Variants in SRGAP1 observed in about 807,000 individuals in gnomAD.
SRGAP1 encodes SLIT-ROBO Rho GTPase activating protein 1, also known as SLIT-ROBO Rho GTPase-activating protein 1.
SRGAP1 carries 43 observed loss-of-function variants against 121.9 expected under a neutral mutation model. The ratio of observed to expected loss-of-function variants is 0.35; its 90% CI spans 0.28 to 0.46. SRGAP1 has a LOEUF of 0.46. SRGAP1 is among the 20% of genes least tolerant of loss of function. The probability of loss-of-function intolerance (pLI) is 1.00; values close to 1 mark genes in which losing one functional copy is unlikely to be tolerated. For synonymous variants in SRGAP1, 447 were observed against 485.4 expected (o/e 0.92, Z 1.04); for missense variants, 1,102 against 1,350.9 (o/e 0.82, Z 2.89).
intron 4 of SRGAP1, among the ~76,000 whole-genome samples, chr12:64,031,554 A>C (rs2034780905): frequency 6.6e-6 from 1 of 152,160 alleles, no homozygotes; most frequent in Non-Finnish European, 1.5e-5. Context: ...CAGTCTCTGC[A>C]TGGGAGACTG....
Position 64,126,109 on chromosome 12 carries a change from A to G in SRGAP1, c.2357A>G (p.Asn786Ser). ...ASEDWWEGRHNGIDGLVPHQY... is the reference protein window; with the variant it reads ...ASEDWWEGRHSGIDGLVPHQY... ...GAGGACTGGTGGGAAGGCAGGCACA[A>G]CGGGATTGACGGGCTGGTGCCTCAC... Residue 786 changes from asparagine (N) to serine (S), a missense_variant, in exon 19 of 22, where the codon AAC becomes AGC. Transcript: ENST00000355086. 1 of 1,614,198 alleles carries G rather than the reference A, an allele frequency of 6.2e-7. No homozygotes were observed. Among genetic ancestry groups the G allele is most frequent in the Non-Finnish European group, 8.5e-7 (1 of 1,180,014 alleles).
At chr12:64,116,268 A>G (rs2036521474) in intron 18 of SRGAP1, among the ~76,000 whole-genome samples, 1 of 151,396 alleles carries the variant, frequency 6.6e-6, no homozygotes. Context: ...AAAAAAAAAA[A>G]AAAAAAAAGT....
intron 14 of SRGAP1, among the ~76,000 whole-genome samples, 196 bp from the exon 15 acceptor site, chr12:64,097,045 T>G (rs1486644962): frequency 6.6e-6 from 1 of 152,206 alleles, no homozygotes; most frequent in Non-Finnish European, 1.5e-5. Flanking sequence ...AAGCTTTATT[T>G]TAGTCAACTG....
In SRGAP1 at chr12:64,126,176, G is replaced by A. The variant is rs1379429198; in HGVS notation, c.2405+19G>A. 1 of 1,604,464 alleles carries A rather than the reference G, an allele frequency of 6.2e-7. No homozygotes were observed. The highest frequency in any genetic ancestry group is 1.7e-5 in the Admixed American group (1 of 59,776). ...AGGATATGTGAGTAGTCTCAACTTT[G>A]ATTGCCTGAGTGCTCCCAATAGAGG... On this transcript the variant is annotated intron_variant, in intron 19 of 21. Coordinates refer to ENST00000355086, the MANE Select transcript of SRGAP1 (RefSeq NM_020762.4).
rs138318903 is a variant in SRGAP1 at position 63,898,956 on chromosome 12, G to GT, written c.67+54076dup. Among the ~76,000 whole-genome samples, 1,510 of 152,252 alleles carry GT rather than the reference G, an allele frequency of 9.9e-3. 32 individuals are homozygous for GT. Among genetic ancestry groups the GT allele is most frequent in the African/African-American group, 0.034 (1,420 of 41,542 alleles). On this transcript the variant is annotated intron_variant, in intron 1 of 21. Coordinates refer to ENST00000355086, the MANE Select transcript of SRGAP1 (RefSeq NM_020762.4). ...CCTCTTTGATCACGTCATTGGTTAA[G>GT]TTTCACTATTGTTTTTGCCAGCTTA...
intron 10 of SRGAP1, among the ~76,000 whole-genome samples, chr12:64,082,371 A>T (rs2035863130): frequency 6.6e-6 from 1 of 152,042 alleles, no homozygotes; most frequent in African/African-American, 2.4e-5. Flanking sequence ...CAATTTATTG[A>T]GTCCACATGC....
intron 6 of SRGAP1, among the ~76,000 whole-genome samples, chr12:64,048,944 C>T (rs1348190887): frequency 6.6e-6 from 1 of 152,124 alleles, no homozygotes; most frequent in Admixed American, 6.6e-5. Context: ...TTCTCCCATT[C>T]TGTGGATTCT....
intron 1 of SRGAP1, among the ~76,000 whole-genome samples, chr12:63,866,188 AGAGGATCAGCTTC>A (rs1899624298): frequency 6.6e-6 from 1 of 152,194 alleles, no homozygotes; most frequent in South Asian, 2.1e-4. Context: ...TGTAGTTGTA[AGAGGATCAGCTTC>A]GATGATTGCT....
intron 4 of SRGAP1, among the ~76,000 whole-genome samples, chr12:64,040,242 G>C (rs2034987114): frequency 6.6e-6 from 1 of 152,116 alleles, no homozygotes. Context: ...TTGTTCCAGT[G>C]ATGCTTCCAG....
intron 1 of SRGAP1, among the ~76,000 whole-genome samples, chr12:63,902,898 T>C (rs1032045788): frequency 6.6e-6 from 1 of 152,206 alleles, no homozygotes; most frequent in African/African-American, 2.4e-5. Flanking sequence ...TTCCATCATA[T>C]CTTTTGTTTT....
At chr12:63,971,464 T>C (rs77235884) in intron 1 of SRGAP1, among the ~76,000 whole-genome samples, 1,628 of 152,328 alleles carry the variant, frequency 0.011, 34 homozygotes, top group African/African-American at 0.037. Flanking sequence ...TAGACATTGT[T>C]TAATGAACAT....
chr12:63,899,292 G>A (rs576085089), intron 1 of SRGAP1, among the ~76,000 whole-genome samples: 5 of 151,946 alleles, frequency 3.3e-5, no homozygotes, highest in Non-Finnish European at 7.4e-5. Context: ...AGAGGTAGGA[G>A]TGCCATTGTA....
At chr12:63,910,002 A>G (rs1208319054) in intron 1 of SRGAP1, among the ~76,000 whole-genome samples, 1 of 152,254 alleles carries the variant, frequency 6.6e-6, no homozygotes, top group Non-Finnish European at 1.5e-5. Context: ...CAATATCTTC[A>G]TAGCAACATC....
chr12:64,055,588 A>G (rs1228945650), intron 6 of SRGAP1, among the ~76,000 whole-genome samples: 1 of 151,800 alleles, frequency 6.6e-6, no homozygotes, highest in East Asian at 1.9e-4. Flanking sequence ...GCATCACACT[A>G]CCTGACTTCA....
intron 6 of SRGAP1, among the ~76,000 whole-genome samples, chr12:64,057,366 C>T (rs572546467): frequency 6.6e-6 from 1 of 152,242 alleles, no homozygotes; most frequent in South Asian, 2.1e-4. Flanking sequence ...TAAAAGTTGC[C>T]TGTAGAAGTT....
rs368523723 is a variant in SRGAP1, at chr12:64,080,383, A to G, written c.1408+13A>G. The G allele has an allele frequency of 4.1e-5, 65 of 1,598,228 alleles. No individual in the cohort carries two copies. The highest frequency in any genetic ancestry group is 5.4e-5 in the Non-Finnish European group (63 of 1,166,026). ...ACCCTGGGAGAAGGTGAGTTATCCAAAATGTATGGGAAGATGACCTGGATG... is the reference window on the plus strand; with the variant it reads ...ACCCTGGGAGAAGGTGAGTTATCCAGAATGTATGGGAAGATGACCTGGATG... On this transcript the variant is annotated intron_variant, in intron 10 of 21. Transcript: ENST00000355086.
chr12:63,949,012 T>TTC (rs56996271), intron 1 of SRGAP1, among the ~76,000 whole-genome samples: 5 of 92,014 alleles, frequency 5.4e-5, no homozygotes, highest in Admixed American at 1.1e-4. Context: ...ATATATATAT[T>TTC]CATATATGTA....
chr12:64,001,913 C>G (rs977941115), intron 3 of SRGAP1, among the ~76,000 whole-genome samples: 2 of 152,184 alleles, frequency 1.3e-5, no homozygotes, highest in African/African-American at 4.8e-5. Context: ...CTCCACCATG[C>G]CTTTCCCACT....
Position 64,150,798 on chromosome 12 carries a change from A to G in SRGAP1, c.*8126A>G, listed in dbSNP as rs1935579259. The G allele has an allele frequency of 8.7e-6, 1 of 115,040 alleles. No individual in the cohort carries two copies. Among genetic ancestry groups the G allele is most frequent in the Non-Finnish European group, 2.0e-5 (1 of 48,962 alleles). 7.1% of individuals were successfully genotyped at this position (115,040 alleles called of 1,614,324 possible). A position where few individuals can be genotyped will look rare whatever the true frequency, so the allele number is the denominator to read the frequency against. ...AAAAATACAAAAATTAGCCAGACATAGTAGTACATGCCTATAGTACTAGGT... is the reference window on the plus strand; with the variant it reads ...AAAAATACAAAAATTAGCCAGACATGGTAGTACATGCCTATAGTACTAGGT... On this transcript the variant is annotated 3_prime_UTR_variant, in exon 22 of 22. Coordinates refer to ENST00000355086, the MANE Select transcript of SRGAP1 (RefSeq NM_020762.4).
Sources: gnomAD v4.1 joint callset for allele counts (sites outside exome capture counted in the v4.1 genomes callset) on GRCh38, gnomAD v4.1.1 for gene constraint, MANE v1.5 for transcripts, NCBI Gene and HGNC (gene_info 2026-07-23, HGNC 2026-07-21) for gene names.